NAALADL2: variants seen among roughly 807,000 people sequenced by gnomAD.
NAALADL2 encodes the protein N-acetylated alpha-linked acidic dipeptidase like 2, also known as inactive N-acetylated-alpha-linked acidic dipeptidase-like protein 2.
Under a neutral mutation model 87.2 loss-of-function variants are expected in NAALADL2, and 76 were observed. That is an observed-to-expected ratio of 0.87 (90% CI 0.72 to 1.05). The LOEUF is 1.05. NAALADL2 is among the 50% of genes least tolerant of loss of function. The pLI, the probability that NAALADL2 is intolerant of heterozygous loss-of-function variation, is 0.00. For missense variants in NAALADL2, 1,089 were observed against 945.8 expected (o/e 1.15, Z -1.99); for synonymous variants, 354 against 331.0 (o/e 1.07, Z -0.75).
At chr3:175,575,352 T>C (rs1396812042) in intron 9 of NAALADL2, among the ~76,000 whole-genome samples, 1 of 152,178 alleles carries the variant, frequency 6.6e-6, no homozygotes, top group East Asian at 1.9e-4. Flanking sequence ...TGGTACACTC[T>C]CGGCTCACTG....
chr3:175,057,509 C>G (rs1488513263), intron 1 of NAALADL2, among the ~76,000 whole-genome samples: 1 of 152,182 alleles, frequency 6.6e-6, no homozygotes, highest in Non-Finnish European at 1.5e-5. Context: ...CCTCAACTTC[C>G]TTCACTACTC....
intron 12 of NAALADL2, among the ~76,000 whole-genome samples, chr3:175,742,162 T>A (rs1745308743): frequency 6.6e-6 from 1 of 152,152 alleles, no homozygotes; most frequent in African/African-American, 2.4e-5. Flanking sequence ...ATGACTAAGT[T>A]CTGTCTGTCC....
intron 1 of NAALADL2, 88 bp from the exon 2 acceptor site, chr3:175,096,702 C>G (rs1721220221): frequency 1.3e-6 from 1 of 762,872 alleles, no homozygotes; most frequent in Non-Finnish European, 2.0e-6. Flanking sequence ...ATTAAACACT[C>G]AATATGGCTT....
chr3:175,115,812 T>C (rs1013305375), intron 2 of NAALADL2, among the ~76,000 whole-genome samples: 7 of 151,800 alleles, frequency 4.6e-5, no homozygotes, highest in Admixed American at 4.6e-4. Flanking sequence ...ATATCCCTGA[T>C]GAACATCGAT....
At chr3:174,935,547 A>T (rs1034959410) in intron 1 of NAALADL2, among the ~76,000 whole-genome samples, 3 of 152,170 alleles carry the variant, frequency 2.0e-5, no homozygotes, top group African/African-American at 7.2e-5. Context: ...TGGAGGGGCA[A>T]TAGTACTGGA....
intron 9 of NAALADL2, among the ~76,000 whole-genome samples, chr3:175,516,381 T>C (rs985079463): frequency 2.6e-5 from 4 of 152,178 alleles, no homozygotes; most frequent in Non-Finnish European, 5.9e-5. Context: ...GACATCAAGC[T>C]TTAGTGTTTA....
intron 9 of NAALADL2, among the ~76,000 whole-genome samples, chr3:175,551,038 C>A (rs1714259239): frequency 1.3e-5 from 2 of 151,922 alleles, no homozygotes; most frequent in South Asian, 4.1e-4. Flanking sequence ...TATCAAAATC[C>A]ATTTGGAGTT....
intron 13 of NAALADL2, among the ~76,000 whole-genome samples, chr3:175,781,010 T>A (rs1750983020): frequency 6.6e-6 from 1 of 152,222 alleles, no homozygotes; most frequent in Non-Finnish European, 1.5e-5. Flanking sequence ...GTATTCAGCT[T>A]ACATTTTTCT....
intron 2 of NAALADL2, among the ~76,000 whole-genome samples, chr3:175,221,109 G>C (rs976386682): frequency 6.7e-6 from 1 of 150,094 alleles, no homozygotes; most frequent in Non-Finnish European, 1.5e-5. Flanking sequence ...TGAGGTGGGA[G>C]AATCACTTGA....
At chr3:175,172,476 A>G (rs1193844781) in intron 2 of NAALADL2, among the ~76,000 whole-genome samples, 1 of 152,184 alleles carries the variant, frequency 6.6e-6, no homozygotes, top group Admixed American at 6.5e-5. Context: ...GTAGTTCTTC[A>G]GTGCTTAATG....
At chr3:175,454,084 T>C (rs1721973201) in intron 6 of NAALADL2, among the ~76,000 whole-genome samples, 1 of 152,078 alleles carries the variant, frequency 6.6e-6, no homozygotes, top group African/African-American at 2.4e-5. Flanking sequence ...ATCTTCCCTT[T>C]ATATATGTCT....
Position 175,541,293 on chromosome 3 carries a change from A to C in NAALADL2, c.1654-34748A>C, listed in dbSNP as rs79119285. 8.1e-3 allele frequency among the ~76,000 whole-genome samples: 1,233 copies of C among 152,328 alleles called. 9 individuals are homozygous for C. Among genetic ancestry groups the C allele is most frequent in the Middle Eastern group, 0.037 (11 of 294 alleles). On this transcript the variant is annotated intron_variant, in intron 9 of 13. Transcript: ENST00000454872. ...ATGTACAAATGTTCCTCAATTTATG[A>C]TGGAGTTATGTCCTAATAAACCCAT...
intron 5 of NAALADL2, among the ~76,000 whole-genome samples, chr3:175,350,895 T>A (rs992665920): frequency 6.6e-6 from 1 of 152,200 alleles, no homozygotes; most frequent in African/African-American, 2.4e-5. Context: ...AATCTTTTTT[T>A]TTCTCAAATG....
At chr3:175,332,073 T>G (rs1467430059) in intron 5 of NAALADL2, among the ~76,000 whole-genome samples, 1 of 152,080 alleles carries the variant, frequency 6.6e-6, no homozygotes, top group African/African-American at 2.4e-5. Context: ...TGAAATAAAC[T>G]GAAGAGGACA....
intron 2 of NAALADL2, among the ~76,000 whole-genome samples, chr3:174,588,888 C>T (rs368854900): frequency 6.6e-6 from 1 of 152,192 alleles, no homozygotes; most frequent in Non-Finnish European, 1.5e-5. Flanking sequence ...ATGAGGACCA[C>T]TACTCTCTTC....
intron 9 of NAALADL2, among the ~76,000 whole-genome samples, chr3:175,473,364 T>C (rs1397051358): frequency 3.4e-5 from 5 of 146,720 alleles, no homozygotes; most frequent in Non-Finnish European, 7.5e-5. Flanking sequence ...CTAACAAATG[T>C]AAAAATGAAC....
intron 13 of NAALADL2, among the ~76,000 whole-genome samples, chr3:175,776,642 G>A (rs1166581172): frequency 6.6e-6 from 1 of 152,008 alleles, no homozygotes; most frequent in Non-Finnish European, 1.5e-5. Flanking sequence ...TCGAAGACTG[G>A]ACTCTGATCC....
intron 1 of NAALADL2, among the ~76,000 whole-genome samples, chr3:175,052,845 C>T (rs924100723): frequency 1.3e-5 from 2 of 152,140 alleles, no homozygotes; most frequent in African/African-American, 2.4e-5. Flanking sequence ...CACTATACTG[C>T]CATGGTTCCA....
chr3:174,889,447 A>G (rs1356596656), intron 1 of NAALADL2, among the ~76,000 whole-genome samples: 3 of 152,122 alleles, frequency 2.0e-5, no homozygotes, highest in Admixed American at 1.3e-4. Flanking sequence ...ACCTGCCTTT[A>G]GTTCCCTGCT....
Sources: allele counts gnomAD v4.1 joint callset (sites outside exome capture counted in the v4.1 genomes callset), GRCh38; gene constraint gnomAD v4.1.1; transcripts MANE v1.5; gene names NCBI Gene and HGNC (gene_info 2026-07-23, HGNC 2026-07-21).